The following GRK1 variants were observed in gnomAD, a reference collection of about 807,000 sequenced individuals.
GRK1 encodes the protein G protein-coupled receptor kinase 1.
In GRK1, 28 loss-of-function variants were observed where a neutral mutation model predicts 41.7. The observed-to-expected ratio is 0.67, with a 90% CI of 0.50 to 0.92. GRK1 has a LOEUF of 0.92. GRK1 is among the 40% of genes least tolerant of loss of function. The pLI is 0.00. For synonymous variants in GRK1, 327 were observed against 286.7 expected (o/e 1.14, Z -1.42); for missense variants, 703 against 671.2 (o/e 1.05, Z -0.52).
intron 6 of GRK1, among the ~76,000 whole-genome samples, chr13:113,733,935 TAC>T (rs1397064591): frequency 7.5e-6 from 1 of 133,602 alleles, no homozygotes. Context: ...CATGTGTGCA[TAC>T]GTGTGTGCGT....
the GRK1 span, chr13:113,651,594 G>A: frequency 4.1e-4 from 591 of 1,432,854 alleles, 1 homozygote; most frequent in Middle Eastern, 8.3e-3. Context: ...CAGGTGGGCC[G>A]TGCCCAGCAT....
chr13:113,735,061 C>G lies in GRK1; in HGVS notation c.1397-7C>G. 1.3e-6 allele frequency: 2 copies of G among 1,503,816 alleles called. No individual in the cohort carries two copies. Among genetic ancestry groups the G allele is most frequent in the South Asian group, 1.2e-5 (1 of 80,848 alleles). The allele number at this position is 1,503,816 out of a possible 1,614,324, so 93.2% of individuals were successfully genotyped here. A position where few individuals can be genotyped will look rare whatever the true frequency, so the allele number is the denominator to read the frequency against. ...AGCCTGGCGTCTGTGTTTTCTGTCT[C>G]CCACAGGGATGCTGATGCCCCCTTT... On this transcript the variant is annotated splice_polypyrimidine_tract_variant and splice_region_variant and intron_variant, in intron 6 of 6. Coordinates refer to ENST00000335678, the MANE Select transcript of GRK1 (RefSeq NM_002929.3).
chr13:113,661,443 G>T, the GRK1 span, among the ~76,000 whole-genome samples: 19 of 151,994 alleles, frequency 1.3e-4, no homozygotes, highest in African/African-American at 4.6e-4. Context: ...TGTAGAAAAA[G>T]AAAAGCAAGT....
At chr13:113,655,177 G>A in the GRK1 span, among the ~76,000 whole-genome samples, 1 of 152,170 alleles carries the variant, frequency 6.6e-6, no homozygotes. Flanking sequence ...CGTCCACATA[G>A]GCAGAATCCT....
chr13:113,653,119 G>A, the GRK1 span: 45 of 1,569,998 alleles, frequency 2.9e-5, no homozygotes, highest in African/African-American at 3.0e-4. Context: ...TGGCCCTGAC[G>A]CCTGGCTGCC....
chr13:113,723,244 ATG>A, intron 4 of GRK1, 87 bp downstream of exon 4: 1 of 620,884 alleles, frequency 1.6e-6, no homozygotes, highest in Non-Finnish European at 3.0e-6. Flanking sequence ...TTGCACATAC[ATG>A]TGAGTTTGTG....
At chr13:113,651,748 C>T in the GRK1 span, 1,353 of 1,611,826 alleles carry the variant, frequency 8.4e-4, no homozygotes, top group Non-Finnish European at 1.1e-3. Context: ...AAAGCTTGAG[C>T]GTGGCCGCTC....
upstream of GRK1, among the ~76,000 whole-genome samples, chr13:113,666,629 G>C (rs1350005675): frequency 6.6e-6 from 1 of 152,086 alleles, no homozygotes; most frequent in Non-Finnish European, 1.5e-5. Context: ...TCTGCTCCCT[G>C]GTCCTGGTGT....
rs532218765 is a variant in GRK1, at chr13:113,735,532, C to T, written c.*169C>T. The T allele has an allele frequency of 9.0e-5, 60 of 664,346 alleles. 1 individual carries two copies. Among genetic ancestry groups the T allele is most frequent in the African/African-American group, 4.4e-4 (24 of 54,500 alleles). The allele number at this position is 664,346 out of a possible 1,614,324, so 41.2% of individuals were successfully genotyped here. A position where few individuals can be genotyped will look rare whatever the true frequency, so the allele number is the denominator to read the frequency against. On this transcript the variant is annotated 3_prime_UTR_variant, in exon 7 of 7. Transcript: ENST00000335678. ...GGCCCAAGGAGGAGAAAGCCCACAT[C>T]GGCCTGAGCCGCCAGACGCACATGC... is the stretch of plus-strand genomic sequence containing the variant.
the GRK1 span, among the ~76,000 whole-genome samples, chr13:113,656,423 C>T: frequency 6.6e-6 from 1 of 152,164 alleles, no homozygotes; most frequent in Non-Finnish European, 1.5e-5. Flanking sequence ...CTCCACCAGG[C>T]GGCTCAGCCC....
chr13:113,668,039 G>A lies in GRK1; in HGVS notation c.653G>A (p.Cys218Tyr). ...AAGGCGACCGGCAAGCTGTATGCCT[G>A]CAAGAAGCTGAACAAGAAGCGGCTG... ...QMKATGKLYA[C>Y]KKLNKKRLKK... The change falls in exon 1 of 7, where the codon TGC becomes TAC. Residue 218 changes from cysteine (C) to tyrosine (Y), a missense_variant. Coordinates refer to ENST00000335678, the MANE Select transcript of GRK1 (RefSeq NM_002929.3). 1 of 1,611,044 alleles carries A rather than the reference G, an allele frequency of 6.2e-7. No homozygotes were observed. The highest frequency in any genetic ancestry group is 8.5e-7 in the Non-Finnish European group (1 of 1,178,794).
rs1436810389 is a variant in GRK1, at chr13:113,667,911, G to A, written c.525G>A (p.Leu175=). Residue 175 remains leucine, a synonymous_variant, in exon 1 of 7, where the codon CTG becomes CTA. Transcript: ENST00000335678. The surrounding 1 kb of genome is among the most constrained non-coding windows in gnomAD (Gnocchi z 7.5). ...YLGSLYFLRF[L]QWKWLEAQPM... ...GCAGCCTGTACTTCCTGAGGTTCCT[G>A]CAGTGGAAGTGGCTGGAAGCCCAGC... is the stretch of plus-strand genomic sequence containing the variant. The A allele has an allele frequency of 1.1e-5, 18 of 1,606,674 alleles. No individual in the cohort carries two copies. Among genetic ancestry groups the A allele is most frequent in the Admixed American group, 5.1e-5 (3 of 59,008 alleles).
At chr13:113,652,678 G>A in the GRK1 span, 1 of 699,620 alleles carries the variant, frequency 1.4e-6, no homozygotes, top group Non-Finnish European at 2.6e-6. Context: ...TGTCTGACGA[G>A]TGGTTTCAAA....
chr13:113,672,205 T>G (rs1566694816), intron 3 of GRK1, among the ~76,000 whole-genome samples: 1 of 150,278 alleles, frequency 6.7e-6, no homozygotes, highest in East Asian at 2.0e-4. Context: ...GTGTGTGTGT[T>G]GTGTGTGGTG....
At chr13:113,733,925 C>CATACGTGTGTGCGTGTGTGT (rs2049975751) in intron 6 of GRK1, among the ~76,000 whole-genome samples, 1 of 41,958 alleles carries the variant, frequency 2.4e-5, no homozygotes, top group Non-Finnish European at 4.7e-5. Flanking sequence ...TGCGTGTGTG[C>CATACGTGTGTGCGTGTGTGT]ATGTGTGCAT....
At chr13:113,723,403 G>C (rs1454135929) in intron 4 of GRK1, among the ~76,000 whole-genome samples, 2 of 152,120 alleles carry the variant, frequency 1.3e-5, no homozygotes, top group Non-Finnish European at 2.9e-5. Context: ...GTCCGTGGCA[G>C]CCTCAGGAGG....
In GRK1 at chr13:113,735,059, C is replaced by A. The variant is rs1023543439; in HGVS notation, c.1397-9C>A. ...GGAGCCTGGCGTCTGTGTTTTCTGT[C>A]TCCCACAGGGATGCTGATGCCCCCT... On this transcript the variant is annotated splice_polypyrimidine_tract_variant and intron_variant, in intron 6 of 6. Transcript: ENST00000335678. 1 of 1,495,644 alleles carries A rather than the reference C, an allele frequency of 6.7e-7. No individual in the cohort carries two copies. The highest frequency in any genetic ancestry group is 8.9e-7 in the Non-Finnish European group (1 of 1,120,356). The allele number at this position is 1,495,644 out of a possible 1,614,324, so 92.6% of individuals were successfully genotyped here.
the GRK1 span, among the ~76,000 whole-genome samples, chr13:113,658,536 C>T: frequency 6.6e-6 from 1 of 152,220 alleles, no homozygotes; most frequent in African/African-American, 2.4e-5. Flanking sequence ...CCTGGACCCA[C>T]TGTGTCCACG....
chr13:113,667,270 A>C lies in GRK1; in HGVS notation c.-117A>C. ...GCCAGGGCGTCTCTCTCGTCCAGCA[A>C]GGGCAGGGACGGGCCACAGGCCAAG... On this transcript the variant is annotated 5_prime_UTR_variant, in exon 1 of 7. Transcript: ENST00000335678. This position sits in a 1 kb window ranked among gnomAD's most constrained non-coding sequence, Gnocchi z 7.5. 2 of 1,029,370 alleles carry C rather than the reference A, an allele frequency of 1.9e-6. No individual in the cohort carries two copies. The highest frequency in any genetic ancestry group is 1.8e-5 in the South Asian group (1 of 56,768). 63.8% of individuals were successfully genotyped at this position (1,029,370 alleles called of 1,614,324 possible).
Sources: gnomAD v4.1 joint callset for allele counts (sites outside exome capture counted in the v4.1 genomes callset) on GRCh38, gnomAD v4.1.1 for gene constraint, Gnocchi (gnomAD v3.1) non-coding constraint, MANE v1.5 for transcripts, NCBI Gene and HGNC (gene_info 2026-07-23, HGNC 2026-07-21) for gene names.